EXOC4: variants seen among roughly 807,000 people sequenced by gnomAD.
EXOC4 encodes SEC8-like 1.
A neutral mutation model predicts 107.2 loss-of-function variants in EXOC4; 71 were observed. The observed-to-expected ratio is 0.66, with a 90% CI of 0.55 to 0.81. The LOEUF is 0.81. EXOC4 is among the 30% of genes least tolerant of loss of function. The pLI, the probability that EXOC4 is intolerant of heterozygous loss-of-function variation, is 0.00. For synonymous variants in EXOC4, 456 were observed against 441.2 expected (o/e 1.03, Z -0.42); for missense variants, 1,108 against 1,189.6 (o/e 0.93, Z 1.01).
intron 7 of EXOC4, chr7:133,447,170 C>T (rs1270666554): frequency 6.6e-6 from 1 of 152,164 alleles, no homozygotes; most frequent in Admixed American, 6.6e-5. Context: ...TTTGGCTGTA[C>T]ACCAGTATGT....
intron 13 of EXOC4, chr7:133,930,302 A>T (rs1800148331): frequency 6.6e-6 from 1 of 152,212 alleles, no homozygotes; most frequent in African/African-American, 2.4e-5. Flanking sequence ...CTAATTGTTT[A>T]TACCTAGTGT....
At chr7:133,647,666 C>T (rs950876045) in intron 10 of EXOC4, among the ~76,000 whole-genome samples, 3 of 152,118 alleles carry the variant, frequency 2.0e-5, no homozygotes, top group African/African-American at 7.2e-5. Context: ...GAGGACTCTT[C>T]CATAGTGGCT....
chr7:133,584,745 A>T (rs1801362347), intron 9 of EXOC4, among the ~76,000 whole-genome samples: 1 of 151,650 alleles, frequency 6.6e-6, no homozygotes, highest in Admixed American at 6.6e-5. Flanking sequence ...CACCCAGCTA[A>T]TTTTTGTATT....
At chr7:133,659,544 G>A (rs1803388709) in intron 10 of EXOC4, among the ~76,000 whole-genome samples, 2 of 152,118 alleles carry the variant, frequency 1.3e-5, no homozygotes, top group South Asian at 4.1e-4. Context: ...CTTTTGCAGT[G>A]TTTGTCAAAG....
intron 10 of EXOC4, among the ~76,000 whole-genome samples, chr7:133,646,298 T>A (rs1041915675): frequency 6.6e-6 from 1 of 152,156 alleles, no homozygotes; most frequent in Non-Finnish European, 1.5e-5. Flanking sequence ...CCAAGAAGTA[T>A]TTTTCATAGC....
At position 133,371,408 on chromosome 7, in the gene EXOC4, C is replaced by T. The variant is rs144490393; in HGVS notation, c.1008-3420C>T. On this transcript the variant is annotated intron_variant, in intron 6 of 17. Coordinates refer to ENST00000253861, the MANE Select transcript of EXOC4 (RefSeq NM_021807.4). ...ACTTATCAGTCAGTTCCCACCCACC[C>T]CCAGCCTAAGTAACCACTAATATAT... Among the ~76,000 whole-genome samples, 367 of 152,214 alleles carry T rather than the reference C, an allele frequency of 2.4e-3. 5 individuals are homozygous for T. Among genetic ancestry groups the T allele is most frequent in the African/African-American group, 8.2e-3 (342 of 41,514 alleles).
intron 9 of EXOC4, among the ~76,000 whole-genome samples, chr7:133,509,891 A>G (rs746532412): frequency 2.0e-5 from 3 of 152,182 alleles, no homozygotes; most frequent in Non-Finnish European, 4.4e-5. Context: ...GATCCCCGTC[A>G]TCTTACATCT....
chr7:133,655,889 G>A (rs771758512), intron 10 of EXOC4, among the ~76,000 whole-genome samples: 13 of 152,164 alleles, frequency 8.5e-5, no homozygotes, highest in Non-Finnish European at 1.2e-4. Flanking sequence ...TTTGTTATTC[G>A]TATCTGGTAT....
intron 11 of EXOC4, among the ~76,000 whole-genome samples, chr7:133,866,798 C>A (rs1360920762): frequency 6.6e-6 from 1 of 152,172 alleles, no homozygotes; most frequent in East Asian, 1.9e-4. Context: ...CCAACTTGAT[C>A]TATGCATCCA....
rs917100660 is a variant in EXOC4 at position 133,887,289 on chromosome 7, A to G, written c.1735-8310A>G. ...TCTGTGTCTAAAATCCCTCATATAT[A>G]TGACATTCTGAGATTTATTCTGTGT... is the stretch of plus-strand genomic sequence containing the variant. On this transcript the variant is annotated intron_variant, in intron 11 of 17. Transcript: ENST00000253861. Among the ~76,000 whole-genome samples, 8 of 152,290 alleles carry G rather than the reference A, an allele frequency of 5.3e-5. No homozygotes were observed. In the South Asian group the frequency reaches 1.2e-3, roughly 24 times the overall value.
intron 9 of EXOC4, among the ~76,000 whole-genome samples, chr7:133,498,390 C>G (rs2150883883): frequency 6.6e-6 from 1 of 152,216 alleles, no homozygotes; most frequent in East Asian, 1.9e-4. Context: ...TTGAGACCAT[C>G]CTGGCTAACA....
intron 10 of EXOC4, among the ~76,000 whole-genome samples, chr7:133,753,411 G>A (rs1349873189): frequency 6.6e-6 from 1 of 152,070 alleles, no homozygotes; most frequent in Admixed American, 6.6e-5. Flanking sequence ...TCTAAGTAAG[G>A]GACTATATTA....
intron 9 of EXOC4, among the ~76,000 whole-genome samples, chr7:133,612,303 G>C (rs1233497372): frequency 6.6e-6 from 1 of 151,970 alleles, no homozygotes; most frequent in Non-Finnish European, 1.5e-5. Flanking sequence ...CTTACTTGCT[G>C]GTATATAGAA....
At chr7:133,927,239 T>C (rs1325270504) in intron 13 of EXOC4, among the ~76,000 whole-genome samples, 1 of 152,190 alleles carries the variant, frequency 6.6e-6, no homozygotes, top group Non-Finnish European at 1.5e-5. Flanking sequence ...TACATTCTGG[T>C]CCTCAGCACC....
chr7:134,045,646 C>T (rs1167274341), intron 17 of EXOC4, among the ~76,000 whole-genome samples: 2 of 152,164 alleles, frequency 1.3e-5, no homozygotes, highest in African/African-American at 2.4e-5. Flanking sequence ...TAAACATTAA[C>T]CCTTTTAACG....
At position 134,052,810 on chromosome 7, in the gene EXOC4, G is replaced by C. The variant is rs1795828242; in HGVS notation, c.2688-11481G>C. Among the ~76,000 whole-genome samples, 5 of 152,202 alleles carry C rather than the reference G, an allele frequency of 3.3e-5. 1 individual carries two copies. The South Asian group carries it at 1.0e-3, about 31-fold the overall frequency. ...GCCTAAATCTGCCAGAGAATGAAAA[G>C]CTGAGAAGGATTACAGATCACTAGT... On this transcript the variant is annotated intron_variant, in intron 17 of 17. Transcript: ENST00000253861.
At chr7:133,736,859 C>A (rs914073769) in intron 10 of EXOC4, among the ~76,000 whole-genome samples, 4 of 152,206 alleles carry the variant, frequency 2.6e-5, no homozygotes, top group Non-Finnish European at 5.9e-5. Flanking sequence ...ATCCTCAAAA[C>A]AAACTGCCTT....
At chr7:133,511,385 A>G (rs1799765981) in intron 9 of EXOC4, among the ~76,000 whole-genome samples, 18 of 152,144 alleles carry the variant, frequency 1.2e-4, no homozygotes, top group Admixed American at 1.2e-3. Flanking sequence ...TATGGGGGAA[A>G]CTAATGACAG....
At chr7:133,798,708 C>G (rs1796867546) in intron 10 of EXOC4, among the ~76,000 whole-genome samples, 1 of 152,084 alleles carries the variant, frequency 6.6e-6, no homozygotes, top group Admixed American at 6.6e-5. Flanking sequence ...TGTGGCCTCT[C>G]CTGTATATTA....
Sources: allele counts gnomAD v4.1 joint callset (sites outside exome capture counted in the v4.1 genomes callset), GRCh38; gene constraint gnomAD v4.1.1; transcripts MANE v1.5; gene names NCBI Gene and HGNC (gene_info 2026-07-23, HGNC 2026-07-21).